EXOC3L4: variants seen among roughly 807,000 people sequenced by gnomAD.
EXOC3L4 encodes the protein exocyst complex component 3-like protein 4.
A neutral mutation model predicts 69.7 loss-of-function variants in EXOC3L4; 62 were observed. The observed-to-expected ratio is 0.89, with a 90% CI of 0.72 to 1.10. The LOEUF is 1.10. Ranked by LOEUF, EXOC3L4 falls within the 50% of genes least tolerant of loss-of-function variation. The pLI, the probability that EXOC3L4 is intolerant of heterozygous loss-of-function variation, is 0.00. For missense variants in EXOC3L4, 1,087 were observed against 1,034.8 expected (o/e 1.05, Z -0.69); for synonymous variants, 502 against 464.2 (o/e 1.08, Z -1.05).
intron 1 of EXOC3L4, among the ~76,000 whole-genome samples, chr14:103,095,152 C>T (rs1424150856): frequency 6.6e-6 from 1 of 152,228 alleles, no homozygotes; most frequent in African/African-American, 2.4e-5. Flanking sequence ...TACAGGGAGA[C>T]ACTCTCAGGC....
rs372795518 is a variant in EXOC3L4, at chr14:103,105,058, C to G, written c.1452C>G (p.Ala484=). The G allele has an allele frequency of 6.2e-7, 1 of 1,611,076 alleles. No homozygotes were observed. Among genetic ancestry groups the G allele is most frequent in the African/African-American group, 1.3e-5 (1 of 74,882 alleles). The change falls in exon 7 of 12, where the codon GCC becomes GCG. Residue 484 remains alanine (A), a synonymous_variant. Transcript: ENST00000688303. ...CGCACCTGGGCGCCTACATCAACGC[C>G]TGCGAGGAGCTCAGGTAGGGCTCGC... The part of the protein sequence containing the change: ...SEPHLGAYIN[A]CEELRTSLLS...
intron 7 of EXOC3L4, 93 bp from the exon 8 acceptor site, chr14:103,106,692 T>G: frequency 2.2e-5 from 16 of 720,674 alleles, no homozygotes; most frequent in Non-Finnish European, 3.2e-5. Flanking sequence ...GCCCTTCACA[T>G]TGTAGTCTAA....
rs773417318 is a variant in EXOC3L4 at position 103,104,830 on chromosome 14, C to A, written c.1377C>A (p.Phe459Leu). 2 of 1,505,018 alleles carry A rather than the reference C, an allele frequency of 1.3e-6. No individual in the cohort carries two copies. Among genetic ancestry groups the A allele is most frequent in the South Asian group, 1.3e-5 (1 of 79,722 alleles). The allele number at this position is 1,505,018 out of a possible 1,614,324, so 93.2% of individuals were successfully genotyped here. A position where few individuals can be genotyped will look rare whatever the true frequency, so the allele number is the denominator to read the frequency against. ...LRICTRALGL[F>L]VPRFEKAFLA... ...TCTGCACGCGGGCGCTCGGCCTCTT[C>A]GTGCCCAGGTGCGGACGCATCCTCA... Residue 459 changes from phenylalanine to leucine, a missense_variant, in exon 6 of 12, where the codon TTC becomes TTA. Coordinates refer to ENST00000688303, the MANE Select transcript of EXOC3L4 (RefSeq NM_001077594.2).
rs766997994 is a variant in EXOC3L4 at position 103,106,886 on chromosome 14, A to C, written c.1568A>C (p.Gln523Pro). 1.3e-6 allele frequency: 2 copies of C among 1,569,840 alleles called. No homozygotes were observed. The highest frequency in any genetic ancestry group is 1.2e-5 in the South Asian group (1 of 85,670). Residue 523 changes from glutamine (Q) to proline (P), a missense_variant, in exon 8 of 12, where the codon CAG (glutamine) becomes CCG (proline). Physicochemically the swap from Gln to Pro is moderately conservative, Grantham distance 76. Coordinates refer to ENST00000688303, the MANE Select transcript of EXOC3L4 (RefSeq NM_001077594.2). ...CAGAAGCACTTGCTTCAGGGCTTGC[A>C]GCGTGAGTTGCAGGTGACTGTGATA... ...SFQKHLLQGL[Q>P]RELQPLFRVV...
chr14:103,103,226 G>A (rs768231302), intron 3 of EXOC3L4, among the ~76,000 whole-genome samples: 1 of 152,030 alleles, frequency 6.6e-6, no homozygotes, highest in Non-Finnish European at 1.5e-5. Context: ...ATGGTGGCAC[G>A]CACCTGTAAT....
Position 103,106,818 on chromosome 14 carries a change from A to T in EXOC3L4, c.1500A>T (p.Gln500His). Residue 500 changes from glutamine to histidine, a missense_variant, in exon 8 of 12, where the codon CAA (glutamine) becomes CAT (histidine). Gln to His is a conservative substitution (Grantham distance 24). Transcript: ENST00000688303. The part of the protein sequence containing the change: ...TSLLSRFPGT[Q>H]EELEKPLVTA... The stretch of plus-strand genomic sequence containing the variant: ...TTCTCTCCAGGTTCCCAGGAACCCA[A>T]GAGGAGCTGGAGAAGCCCCTGGTGA... The T allele has an allele frequency of 1.3e-6, 2 of 1,594,432 alleles. No homozygotes were observed. The highest frequency in any genetic ancestry group is 1.7e-6 in the Non-Finnish European group (2 of 1,169,828).
chr14:103,097,961 G>A lies in EXOC3L4; in HGVS notation c.-16-2243G>A, dbSNP rs1256383425. Among the ~76,000 whole-genome samples the A allele has an allele frequency of 1.3e-5, 2 of 152,068 alleles. No individual in the cohort carries two copies. Among genetic ancestry groups the A allele is most frequent in the African/African-American group, 4.8e-5 (2 of 41,400 alleles). On this transcript the variant is annotated intron_variant, in intron 1 of 11. Transcript: ENST00000688303. This position sits in a 1 kb window ranked among gnomAD's most constrained non-coding sequence, Gnocchi z 4.9. The stretch of plus-strand genomic sequence containing the variant: ...ATGCCCGGCTGTGGGGCTCGGGCAG[G>A]AGGGAACCATGGAAGGGCTTAAAGC...
chr14:103,102,205 C>G lies in EXOC3L4; in HGVS notation c.482C>G (p.Ala161Gly), dbSNP rs377038714. Residue 161 changes from alanine to glycine, a missense_variant, in exon 3 of 12, where the codon GCC (alanine) becomes GGC (glycine). Transcript: ENST00000688303. ...CTGCGCCTGGAGACGCTGCTGGTGG[C>G]CGAGAAGGCCTCGCGCACCTTTGAG... ...QLLRLETLLV[A>G]EKASRTFEQD... 1 of 1,595,902 alleles carries G rather than the reference C, an allele frequency of 6.3e-7. No homozygotes were observed. The highest frequency in any genetic ancestry group is 1.7e-4 in the Middle Eastern group (1 of 6,036).
In EXOC3L4 at chr14:103,109,206, A is replaced by G. The variant is rs562723560; in HGVS notation, c.1976+689A>G. On this transcript the variant is annotated intron_variant, in intron 11 of 11. Transcript: ENST00000688303. ...CTCTCTCCCTCGCCACCCTGTCCCC[A>G]TGTCTCCCTCCCTCCCTCCCTCTCC... is the stretch of plus-strand genomic sequence containing the variant. 3.7e-3 allele frequency among the ~76,000 whole-genome samples: 94 copies of G among 25,310 alleles called. 3 individuals carry two copies. Among genetic ancestry groups the G allele is most frequent in the African/African-American group, 0.011 (56 of 5,058 alleles). The allele number at this position is 25,310 out of a possible 152,430, so 16.6% of individuals were successfully genotyped here.
chr14:103,107,400 G>T (rs1274252496), intron 8 of EXOC3L4, 24 bp from the exon 9 acceptor site: 2 of 1,605,488 alleles, frequency 1.2e-6, no homozygotes, highest in African/African-American at 2.7e-5. Context: ...CACATTTGCA[G>T]ACTCCCAGCC....
intron 1 of EXOC3L4, among the ~76,000 whole-genome samples, chr14:103,099,091 T>C (rs1221142637): frequency 6.6e-6 from 1 of 152,118 alleles, no homozygotes; most frequent in East Asian, 1.9e-4. Context: ...GCGGGTGCTT[T>C]GGTCCTGGCA....
Position 103,107,473 on chromosome 14 carries a change from T to G in EXOC3L4, c.1631T>G (p.Leu544Arg). 2.5e-6 allele frequency: 4 copies of G among 1,613,880 alleles called. No homozygotes were observed. Among genetic ancestry groups the G allele is most frequent in the African/African-American group, 1.3e-5 (1 of 75,056 alleles). Residue 544 changes from leucine to arginine, a missense_variant, in exon 9 of 12, where the codon CTG becomes CGG. Physicochemically the swap from Leu to Arg is moderately radical, Grantham distance 102 (BLOSUM62 -2). Coordinates refer to ENST00000688303, the MANE Select transcript of EXOC3L4 (RefSeq NM_001077594.2). ...AGGGACTGGCTGACGCAGGACTGGCTGCATCCCCTCATGGACAAGGTGGTG... is the reference window on the plus strand; with the variant it reads ...AGGGACTGGCTGACGCAGGACTGGCGGCATCCCCTCATGGACAAGGTGGTG... ...CTRDWLTQDWLHPLMDKVVTF... is the reference protein window; with the variant it reads ...CTRDWLTQDWRHPLMDKVVTF...
intron 7 of EXOC3L4, among the ~76,000 whole-genome samples, chr14:103,105,552 C>G (rs1279560537): frequency 6.6e-6 from 1 of 152,068 alleles, no homozygotes; most frequent in Non-Finnish European, 1.5e-5. Context: ...GGTTCCAGCT[C>G]CCTGCCTGCT....
Position 103,100,448 on chromosome 14 carries a change from C to A in EXOC3L4, c.229C>A (p.Arg77=). 1.2e-6 allele frequency: 2 copies of A among 1,613,046 alleles called. No homozygotes were observed. The highest frequency in any genetic ancestry group is 1.7e-6 in the Non-Finnish European group (2 of 1,179,724). The change falls in exon 2 of 12, where the codon CGG becomes AGG. Residue 77 remains arginine (R), a synonymous_variant. Coordinates refer to ENST00000688303, the MANE Select transcript of EXOC3L4 (RefSeq NM_001077594.2). ...QVSKEDTGLF[R]RSSCSLFRSF... is the part of the protein sequence containing the mutation. ...CTCCAAGGAAGATACGGGCCTGTTC[C>A]GGCGAAGCTCCTGCTCCCTGTTCCG... is the stretch of plus-strand genomic sequence containing the variant.
intron 1 of EXOC3L4, chr14:103,098,534 G>A (rs1228161041): frequency 2.0e-5 from 3 of 152,252 alleles, no homozygotes; most frequent in African/African-American, 7.2e-5. Context: ...CACAGTAGGT[G>A]CTTACTAAGT....
At position 103,096,916 on chromosome 14, in the gene EXOC3L4, G is replaced by A. The variant is rs570319047; in HGVS notation, c.-17+2076G>A. On this transcript the variant is annotated intron_variant, in intron 1 of 11. Coordinates refer to ENST00000688303, the MANE Select transcript of EXOC3L4 (RefSeq NM_001077594.2). ...GATGGCAGGTGGGGAAGTGAGAGGG[G>A]ACAAGCCCCGCACAGGGCTTCGGCC... 2.1e-4 allele frequency among the ~76,000 whole-genome samples: 32 copies of A among 152,318 alleles called. No homozygotes were observed. The South Asian group carries it at 6.6e-3, about 32-fold the overall frequency.
intron 1 of EXOC3L4, among the ~76,000 whole-genome samples, chr14:103,096,598 T>C (rs1025800192): frequency 6.6e-6 from 1 of 152,228 alleles, no homozygotes; most frequent in Non-Finnish European, 1.5e-5. Flanking sequence ...TTAGCATTTC[T>C]GTGAGCTCTC....
rs776956380 is a variant in EXOC3L4, at chr14:103,104,021, G to A, written c.1130G>A (p.Arg377Gln). The change falls in exon 4 of 12, where the codon CGA becomes CAA. Residue 377 changes from arginine to glutamine, a missense_variant. By Grantham distance (43) the Arg-to-Gln change is conservative (BLOSUM62 1). Coordinates refer to ENST00000688303, the MANE Select transcript of EXOC3L4 (RefSeq NM_001077594.2). ...CTCCTGGCGCCGGACGTGTGGGCCCGACTGGAGAGCGACTACACCAGCTTC... is the reference window on the plus strand; with the variant it reads ...CTCCTGGCGCCGGACGTGTGGGCCCAACTGGAGAGCGACTACACCAGCTTC... ...PPLLAPDVWA[R>Q]LESDYTSFLE... The A allele has an allele frequency of 1.3e-6, 2 of 1,578,088 alleles. No individual in the cohort carries two copies. Among genetic ancestry groups the A allele is most frequent in the African/African-American group, 2.7e-5 (2 of 74,190 alleles).
intron 8 of EXOC3L4, 33 bp from the exon 9 acceptor site, chr14:103,107,391 A>C (rs1258376758): frequency 6.2e-7 from 1 of 1,601,764 alleles, no homozygotes. Flanking sequence ...GGCGTAGTGC[A>C]CATTTGCAGA....
Sources: allele counts gnomAD v4.1 joint callset (sites outside exome capture counted in the v4.1 genomes callset), GRCh38; gene constraint gnomAD v4.1.1; non-coding constraint Gnocchi (gnomAD v3.1); transcripts MANE v1.5; gene names NCBI Gene and HGNC (gene_info 2026-07-23, HGNC 2026-07-21).